The following BAHCC1 variants were observed in gnomAD, a reference collection of about 807,000 sequenced individuals.
BAHCC1 encodes BAH and coiled-coil domain-containing protein 1.
A neutral mutation model predicts 88.2 loss-of-function variants in BAHCC1; 43 were observed. The observed-to-expected ratio is 0.49, with a 90% CI of 0.38 to 0.63. The LOEUF (loss-of-function observed/expected upper bound fraction) is 0.63. Among genes scored for constraint, BAHCC1 ranks in the 20% least tolerant of loss-of-function variants. The pLI is 0.00. For synonymous variants in BAHCC1, 1,510 were observed against 745.5 expected, an observed-to-expected ratio of 2.03 and a Z score of -16.71; for missense variants, 3,023 against 1,654.8, an observed-to-expected ratio of 1.83 and a Z score of -14.34.
rs1555657927 is a variant in BAHCC1 at position 81,458,263 on chromosome 17, A to G, written c.5140A>G (p.Arg1714Gly). ...CACCCTGGAGCGGGCCCCAGGGCAG[A>G]GGCCCCCAGGTGCGCTGGGCAAGAA... ...GTTLERAPGQ[R>G]PPGALGKKKA... Residue 1714 changes from arginine (R) to glycine (G), a missense_variant, in exon 18 of 28, where the codon AGG becomes GGG. Coordinates refer to ENST00000675386, the MANE Select transcript of BAHCC1 (RefSeq NM_001377448.1). 1.3e-6 allele frequency: 1 copy of G among 746,208 alleles called. No individual in the cohort carries two copies. The highest frequency in any genetic ancestry group is 1.9e-5 in the Admixed American group (1 of 53,852). The allele number at this position is 746,208 out of a possible 1,614,324, so 46.2% of individuals were successfully genotyped here. A position where few individuals can be genotyped will look rare whatever the true frequency, so the allele number is the denominator to read the frequency against.
Position 81,447,739 on chromosome 17 carries a change from C to A in BAHCC1, c.3867C>A (p.Pro1289=), listed in dbSNP as rs1555654978. 1.4e-6 allele frequency: 1 copy of A among 735,258 alleles called. No individual in the cohort carries two copies. Among genetic ancestry groups the A allele is most frequent in the South Asian group, 1.5e-5 (1 of 68,928 alleles). The allele number at this position is 735,258 out of a possible 1,614,324, so 45.5% of individuals were successfully genotyped here. The change falls in exon 11 of 28, where the codon CCC becomes CCA. Residue 1289 remains proline (P), a synonymous_variant. Coordinates refer to ENST00000675386, the MANE Select transcript of BAHCC1 (RefSeq NM_001377448.1). The stretch of plus-strand genomic sequence containing the variant: ...CTCAGCCCCCAGCGGCCTCTGGGCC[C>A]CCCAGCACAGTCCCCCTGCCTCATA... The part of the protein sequence containing the change: ...PDPQPPAASG[P]PSTVPLPHSS...
In BAHCC1 at chr17:81,442,144, C is replaced by A; in HGVS notation, c.795C>A (p.Gly265=). 1.5e-6 allele frequency: 1 copy of A among 656,440 alleles called. No individual in the cohort carries two copies. The highest frequency in any genetic ancestry group is 2.8e-6 in the Non-Finnish European group (1 of 362,450). The allele number at this position is 656,440 out of a possible 1,614,324, so 40.7% of individuals were successfully genotyped here. Residue 265 remains glycine (G), a synonymous_variant, in exon 5 of 28, where the codon GGC becomes GGA. Transcript: ENST00000675386. ...PVPADGHCRE[G]GPAPRGACEG... Reference sequence around the variant, plus strand: ...CAGCCGACGGGCACTGCAGGGAGGGCGGCCCCGCACCCCGAGGGGCCTGCG... The same window carrying A: ...CAGCCGACGGGCACTGCAGGGAGGGAGGCCCCGCACCCCGAGGGGCCTGCG...
At position 81,462,827 on chromosome 17, in the gene BAHCC1, G is replaced by A. The variant is rs1292611381; in HGVS notation, c.7471G>A (p.Val2491Ile). Reference protein sequence around the residue: ...EETLRVGDCAVFLSAGRPNLP... With the variant: ...EETLRVGDCAIFLSAGRPNLP... ...GACCCTGCGTGTCGGGGACTGTGCC[G>A]TCTTCCTGTCAGCTGGGCGGCCCAA... The change falls in exon 27 of 28, where the codon GTC becomes ATC. Residue 2491 changes from valine to isoleucine, a missense_variant. Transcript: ENST00000675386. 7.7e-6 allele frequency: 6 copies of A among 780,642 alleles called. No individual in the cohort carries two copies. Among genetic ancestry groups the A allele is most frequent in the Non-Finnish European group, 1.2e-5 (5 of 418,250 alleles). The allele number at this position is 780,642 out of a possible 1,614,324, so 48.4% of individuals were successfully genotyped here.
chr17:81,439,295 C>T (rs543897456), intron 4 of BAHCC1, among the ~76,000 whole-genome samples: 4 of 152,248 alleles, frequency 2.6e-5, no homozygotes, highest in South Asian at 2.1e-4. Context: ...AGGAAGCCAT[C>T]GGTTAGTTAC....
At chr17:81,463,489 G>A (rs1028480369) in intron 27 of BAHCC1, 122 bp from the exon 28 acceptor site, 45 of 671,132 alleles carry the variant, frequency 6.7e-5, no homozygotes, top group Admixed American at 4.1e-5. Context: ...CCCGTCTTCC[G>A]GCCACACAGA....
intron 26 of BAHCC1, among the ~76,000 whole-genome samples, chr17:81,462,400 A>G (rs965936579): frequency 3.9e-5 from 6 of 152,124 alleles, no homozygotes; most frequent in Admixed American, 1.3e-4. Flanking sequence ...TGTCCTCACC[A>G]GGGCACTGCT....
At chr17:81,397,712 G>T (rs1343835605) in intron 1 of BAHCC1, among the ~76,000 whole-genome samples, 1 of 152,172 alleles carries the variant, frequency 6.6e-6, no homozygotes, top group Non-Finnish European at 1.5e-5. Context: ...GCGGCCGGGC[G>T]CTCGCTTTGC....
At position 81,441,808 on chromosome 17, in the gene BAHCC1, G is replaced by T; in HGVS notation, c.482-23G>T. ...AGCCTCACCCCTAAGGCCTCCCATT[G>T]ACCTTGGCTCTTTCCCACACAGATA... On this transcript the variant is annotated intron_variant, in intron 4 of 27. Coordinates refer to ENST00000675386, the MANE Select transcript of BAHCC1 (RefSeq NM_001377448.1). 3 of 586,166 alleles carry T rather than the reference G, an allele frequency of 5.1e-6. No individual in the cohort carries two copies. The South Asian group carries it at 7.5e-5, about 15-fold the overall frequency. 36.3% of individuals were successfully genotyped at this position (586,166 alleles called of 1,614,324 possible). A position where few individuals can be genotyped will look rare whatever the true frequency, so the allele number is the denominator to read the frequency against.
intron 14 of BAHCC1, among the ~76,000 whole-genome samples, chr17:81,453,207 C>T (rs1034379500): frequency 6.6e-6 from 1 of 152,196 alleles, no homozygotes; most frequent in Non-Finnish European, 1.5e-5. Context: ...TCTTTATCTG[C>T]ACTGTATAAA....
intron 2 of BAHCC1, among the ~76,000 whole-genome samples, chr17:81,423,716 G>C (rs1160999731): frequency 3.3e-5 from 5 of 152,148 alleles, no homozygotes; most frequent in Non-Finnish European, 7.4e-5. Context: ...GCAGAAATCT[G>C]TGTGTGCTGT....
At position 81,461,944 on chromosome 17, in the gene BAHCC1, G is replaced by C. The variant is rs1370987217; in HGVS notation, c.7281G>C (p.Glu2427Asp). ...CCCTGAGCTTCTCCAAAGCCAAAGA[G>C]CTCTCCCGGAGGCAGCGGCCGCCCT... is the stretch of plus-strand genomic sequence containing the variant. ...KEALSFSKAK[E>D]LSRRQRPPSV... Residue 2427 changes from glutamate (E) to aspartate (D), a missense_variant, in exon 26 of 28, where the codon GAG (glutamate) becomes GAC (aspartate). By Grantham distance (45) the Glu-to-Asp change is conservative. Transcript: ENST00000675386. The C allele has an allele frequency of 1.3e-6, 1 of 765,550 alleles. No individual in the cohort carries two copies. The highest frequency in any genetic ancestry group is 2.4e-6 in the Non-Finnish European group (1 of 411,616). The allele number at this position is 765,550 out of a possible 1,614,324, so 47.4% of individuals were successfully genotyped here.
intron 2 of BAHCC1, among the ~76,000 whole-genome samples, chr17:81,410,759 G>A (rs1555647722): frequency 6.6e-6 from 1 of 152,128 alleles, no homozygotes; most frequent in Non-Finnish European, 1.5e-5. Flanking sequence ...GCCCAGGGGA[G>A]ACACCAGCAG....
At chr17:81,462,655 C>T (rs1555659817) in intron 26 of BAHCC1, 85 bp from the exon 27 acceptor site, 12 of 683,882 alleles carry the variant, frequency 1.8e-5, no homozygotes, top group South Asian at 1.1e-4. Flanking sequence ...CTCACACCCA[C>T]ACCACACCCT....
At chr17:81,428,825 TG>T (rs1413518870) in intron 3 of BAHCC1, among the ~76,000 whole-genome samples, 3 of 152,208 alleles carry the variant, frequency 2.0e-5, no homozygotes, top group Non-Finnish European at 4.4e-5. Flanking sequence ...GCCCCTCACA[TG>T]GGGCCCGGCA....
intron 11 of BAHCC1, 49 bp downstream of exon 11, chr17:81,447,897 C>T (rs1555655046): frequency 2.8e-6 from 2 of 709,272 alleles, no homozygotes; most frequent in Non-Finnish European, 5.2e-6. Flanking sequence ...CAGTGGGACC[C>T]ACACGCCTGC....
chr17:81,441,360 A>G (rs1304762772), intron 4 of BAHCC1, among the ~76,000 whole-genome samples: 1 of 152,234 alleles, frequency 6.6e-6, no homozygotes, highest in Non-Finnish European at 1.5e-5. Context: ...CTACAATTTT[A>G]TAAAAACAAA....
At position 81,452,119 on chromosome 17, in the gene BAHCC1, G is replaced by A. The variant is rs782437237; in HGVS notation, c.4316+12G>A. Reference sequence around the variant, plus strand: ...AAGCACGACCATGAGTACGCCTGGCGTGGCGGGGGGGCCTGGGAGGGTCGC... The same window carrying A: ...AAGCACGACCATGAGTACGCCTGGCATGGCGGGGGGGCCTGGGAGGGTCGC... On this transcript the variant is annotated intron_variant, in intron 13 of 27. Transcript: ENST00000675386. 48 of 611,480 alleles carry A rather than the reference G, an allele frequency of 7.8e-5. No individual in the cohort carries two copies. The highest frequency in any genetic ancestry group is 1.1e-4 in the Non-Finnish European group (39 of 348,050). The allele number at this position is 611,480 out of a possible 1,614,324, so 37.9% of individuals were successfully genotyped here.
rs145593030 is a variant in BAHCC1 at position 81,413,270 on chromosome 17, C to T, written c.178+13353C>T. ...GAGACCTGCCCTCGGGGGTTTGTGC[C>T]TTTCCTCTGCCCCATGCCCTCGGCC... On this transcript the variant is annotated intron_variant, in intron 2 of 27. Coordinates refer to ENST00000675386, the MANE Select transcript of BAHCC1 (RefSeq NM_001377448.1). 297 of 250,466 alleles carry T rather than the reference C, an allele frequency of 1.2e-3. 2 individuals are homozygous for T. The Middle Eastern group carries it at 0.025, about 21-fold the overall frequency. 15.5% of individuals were successfully genotyped at this position (250,466 alleles called of 1,614,324 possible).
chr17:81,449,771 G>A (rs539293410), intron 11 of BAHCC1, among the ~76,000 whole-genome samples: 4 of 151,506 alleles, frequency 2.6e-5, no homozygotes, highest in South Asian at 2.1e-4. Flanking sequence ...CTGTGGTCTC[G>A]GTCCAGAGCT....
Sources: allele counts gnomAD v4.1 joint callset (sites outside exome capture counted in the v4.1 genomes callset), GRCh38; gene constraint gnomAD v4.1.1; transcripts MANE v1.5; gene names NCBI Gene and HGNC (gene_info 2026-07-23, HGNC 2026-07-21).